The following FKBP8 variants were observed in gnomAD, a reference collection of about 807,000 sequenced individuals.
FKBP8 encodes the protein peptidyl-prolyl cis-trans isomerase FKBP8.
A neutral mutation model predicts 41.7 loss-of-function variants in FKBP8; 5 were observed. The observed-to-expected ratio is 0.12, with a 90% CI of 0.06 to 0.25. The LOEUF is 0.25. Among genes scored for constraint, FKBP8 ranks in the 10% least tolerant of loss-of-function variants. The probability of loss-of-function intolerance (pLI) is 1.00; values close to 1 mark genes in which losing one functional copy is unlikely to be tolerated. For synonymous variants in FKBP8, 279 were observed against 254.5 expected (o/e 1.10, Z -0.92); for missense variants, 397 against 563.0 (o/e 0.71, Z 2.98).
Position 18,541,976 on chromosome 19 carries a change from TG to T in FKBP8, c.-7del, listed in dbSNP as rs1195725159. 22 of 1,611,368 alleles carry T rather than the reference TG, an allele frequency of 1.4e-5. No homozygotes were observed. The highest frequency in any genetic ancestry group is 4.0e-5 in the African/African-American group (3 of 74,886). ...GGTTCAGCACACGATGCCATGCTGC[TG>T]GGGGGACAGGAATTGGCCCTGGAAG... On this transcript the variant is annotated 5_prime_UTR_variant, in exon 2 of 9. Coordinates refer to ENST00000608443, the MANE Select transcript of FKBP8 (RefSeq NM_012181.5).
chr19:18,542,038 C>T (rs1011017418), intron 1 of FKBP8, 43 bp from the exon 2 acceptor site: 2 of 1,562,858 alleles, frequency 1.3e-6, no homozygotes, highest in Middle Eastern at 1.7e-4. Context: ...TCCTACACAG[C>T]CCCTCAAAGT....
chr19:18,533,271 T>C lies in FKBP8; in HGVS notation c.1022A>G (p.Lys341Arg). 1 of 1,593,976 alleles carries C rather than the reference T, an allele frequency of 6.3e-7. No individual in the cohort carries two copies. Among genetic ancestry groups the C allele is most frequent in the Non-Finnish European group, 8.5e-7 (1 of 1,169,788 alleles). The change falls in exon 7 of 9, where the codon AAG becomes AGG. Residue 341 changes from lysine to arginine, a missense_variant and splice_region_variant. This residue lies in a region of FKBP8 where 225 missense variants were observed against 366.8 expected (regional missense o/e 0.61). Transcript: ENST00000608443. ...CCAGGGCACCCCTGTCCTGCTCACCTTGTTGGAAGGTTCCAGCTTCAGGGC... is the reference window on the plus strand; with the variant it reads ...CCAGGGCACCCCTGTCCTGCTCACCCTGTTGGAAGGTTCCAGCTTCAGGGC... ...RAALKLEPSN[K>R]TIHAELSKLV...
Position 18,538,368 on chromosome 19 carries a change from C to A in FKBP8, c.620G>T (p.Gly207Val). Residue 207 changes from glycine (G) to valine (V), a missense_variant, in exon 5 of 9, where the codon GGG (glycine) becomes GTG (valine). By Grantham distance (109) the Gly-to-Val change is moderately radical. Coordinates refer to ENST00000608443, the MANE Select transcript of FKBP8 (RefSeq NM_012181.5). This position sits in a 1 kb window ranked among gnomAD's most constrained non-coding sequence, Gnocchi z 4.0. ...CCCCGTGAGCATCTCCAGGTCAGGC[C>A]CGTCCACAGCCGTCTTCAGGGTCAC... ...LEVTLKTAVD[G>V]PDLEMLTGQE... 6.2e-7 allele frequency: 1 copy of A among 1,613,602 alleles called. No individual in the cohort carries two copies. The highest frequency in any genetic ancestry group is 8.5e-7 in the Non-Finnish European group (1 of 1,179,970).
rs1165932658 is a variant in FKBP8 at position 18,538,808 on chromosome 19, C to CTTTTTTTTTTT, written c.552-383_552-373dup. On this transcript the variant is annotated intron_variant, in intron 4 of 8. Transcript: ENST00000608443. The surrounding 1 kb of genome is among the most constrained non-coding windows in gnomAD (Gnocchi z 4.0). ...GACTACAGGTGTGCACCACACCCAG[C>CTTTTTTTTTTT]TTTTTTTTTTTTTTTTTTTTTTTTT... Among the ~76,000 whole-genome samples the CTTTTTTTTTTT allele has an allele frequency of 9.8e-6, 1 of 102,206 alleles. No individual in the cohort carries two copies. Among genetic ancestry groups the CTTTTTTTTTTT allele is most frequent in the African/African-American group, 6.1e-5 (1 of 16,314 alleles). The allele number at this position is 102,206 out of a possible 152,430, so 67.1% of individuals were successfully genotyped here. A position where few individuals can be genotyped will look rare whatever the true frequency, so the allele number is the denominator to read the frequency against.
rs1044867778 is a variant in FKBP8, at chr19:18,538,920, T to C, written c.551+451A>G. Among the ~76,000 whole-genome samples, 21 of 149,358 alleles carry C rather than the reference T, an allele frequency of 1.4e-4. No individual in the cohort carries two copies. In the Admixed American group the frequency reaches 1.4e-3, roughly 10 times the overall value. On this transcript the variant is annotated intron_variant, in intron 4 of 8. Transcript: ENST00000608443. This position sits in a 1 kb window ranked among gnomAD's most constrained non-coding sequence, Gnocchi z 4.0. Reference sequence around the variant, plus strand: ...AGCTCCGCCTCCCGGGTTCACGCCATTTTCCTGCCTCAACCTCCAGAGTAG... The same window carrying C: ...AGCTCCGCCTCCCGGGTTCACGCCACTTTCCTGCCTCAACCTCCAGAGTAG...
At chr19:18,542,152 G>C in intron 1 of FKBP8, 157 bp from the exon 2 acceptor site, 2 of 1,118,734 alleles carry the variant, frequency 1.8e-6, no homozygotes, top group Non-Finnish European at 2.4e-6. Context: ...AACAACCCCA[G>C]CTTGTTGGGA....
intron 2 of FKBP8, 28 bp downstream of exon 2, chr19:18,541,651 G>A: frequency 1.9e-6 from 3 of 1,575,050 alleles, no homozygotes; most frequent in Non-Finnish European, 1.7e-6. Context: ...CAGGGCCAAG[G>A]GCACCCTGAT....
At chr19:18,541,460 T>A (rs1976697174) in intron 2 of FKBP8, among the ~76,000 whole-genome samples, 1 of 152,216 alleles carries the variant, frequency 6.6e-6, no homozygotes. Flanking sequence ...TCTGAGCCAC[T>A]GTTAGCAGAT....
Position 18,537,851 on chromosome 19 carries a change from T to C in FKBP8, c.773-78A>G, listed in dbSNP as rs891959720. On this transcript the variant is annotated intron_variant, in intron 5 of 8. Transcript: ENST00000608443. This position sits in a 1 kb window ranked among gnomAD's most constrained non-coding sequence, Gnocchi z 4.4. ...CCGGCACCCACCCCTCTGCGGAGGC[T>C]GCCTCTCTGGCCTCAGTTTCCCCAA... 11 of 1,462,296 alleles carry C rather than the reference T, an allele frequency of 7.5e-6. No homozygotes were observed. The East Asian group carries it at 1.6e-4, about 22-fold the overall frequency. 90.6% of individuals were successfully genotyped at this position (1,462,296 alleles called of 1,614,324 possible). A position where few individuals can be genotyped will look rare whatever the true frequency, so the allele number is the denominator to read the frequency against.
intron 1 of FKBP8, chr19:18,543,081 C>T (rs1976746250): frequency 3.4e-6 from 1 of 297,036 alleles, no homozygotes; most frequent in Non-Finnish European, 6.5e-6. Context: ...CCAGACGCCC[C>T]CCCCTTTCCG....
intron 7 of FKBP8, 81 bp downstream of exon 7, chr19:18,533,189 C>A: frequency 7.5e-7 from 1 of 1,329,698 alleles, no homozygotes. Context: ...CAACAGAGAG[C>A]CACAGCAAGA....
chr19:18,535,509 C>G (rs984746918), intron 6 of FKBP8, among the ~76,000 whole-genome samples: 7 of 151,938 alleles, frequency 4.6e-5, no homozygotes, highest in African/African-American at 1.7e-4. Context: ...AAGTGGCTCA[C>G]GCCTATAATC....
chr19:18,532,246 A>G lies in FKBP8; in HGVS notation c.1165T>C (p.Trp389Arg). 6.2e-7 allele frequency: 1 copy of G among 1,607,414 alleles called. No homozygotes were observed. The highest frequency in any genetic ancestry group is 2.2e-5 in the East Asian group (1 of 44,720). The part of the protein sequence containing the change: ...CPGKGAWSIP[W>R]KWLFGATAVA... Reference sequence around the variant, plus strand: ...GCAGTCGCCCCAAACAGCCACTTCCATGGGATGGACTGTGGATAAAAAGGA... The same window carrying G: ...GCAGTCGCCCCAAACAGCCACTTCCGTGGGATGGACTGTGGATAAAAAGGA... The change falls in exon 9 of 9, where the codon TGG (tryptophan) becomes CGG (arginine). Residue 389 changes from tryptophan (W) to arginine (R), a missense_variant. Trp to Arg is a moderately radical substitution (Grantham distance 101, BLOSUM62 -3). Coordinates refer to ENST00000608443, the MANE Select transcript of FKBP8 (RefSeq NM_012181.5).
At position 18,532,519 on chromosome 19, in the gene FKBP8, T is replaced by C. The variant is rs989724226; in HGVS notation, c.1155+145A>G. 4.7e-6 allele frequency: 6 copies of C among 1,285,920 alleles called. No individual in the cohort carries two copies. In the African/African-American group the frequency reaches 7.5e-5, roughly 16 times the overall value. The allele number at this position is 1,285,920 out of a possible 1,614,324, so 79.7% of individuals were successfully genotyped here. On this transcript the variant is annotated intron_variant, in intron 8 of 8. Transcript: ENST00000608443. ...TGAGTTCCACCTTCGACTCCACTCATGATCACACAGGGCTGGGCTCTCTCC... is the reference window on the plus strand; with the variant it reads ...TGAGTTCCACCTTCGACTCCACTCACGATCACACAGGGCTGGGCTCTCTCC...
At chr19:18,539,930 T>A (rs1013714183) in intron 2 of FKBP8, among the ~76,000 whole-genome samples, 3 of 152,046 alleles carry the variant, frequency 2.0e-5, no homozygotes, top group Non-Finnish European at 4.4e-5. Context: ...TGGGACAGAC[T>A]TCAGGGTGAC....
intron 1 of FKBP8, 174 bp downstream of exon 1, chr19:18,543,312 G>T: frequency 7.7e-5 from 1 of 13,010 alleles, no homozygotes; most frequent in South Asian, 2.2e-3. Context: ...GGCCACCCCC[G>T]CCCGGCCGCG....
chr19:18,532,586 A>G (rs1976473697), intron 8 of FKBP8, 78 bp downstream of exon 8: 1 of 1,565,562 alleles, frequency 6.4e-7, no homozygotes, highest in Non-Finnish European at 8.7e-7. Context: ...CTCCGAGGAC[A>G]TCCATGTATG....
rs900472328 is a variant in FKBP8, at chr19:18,538,199, C to G, written c.772+17G>C. 1.3e-6 allele frequency: 2 copies of G among 1,590,280 alleles called. No individual in the cohort carries two copies. The highest frequency in any genetic ancestry group is 2.7e-5 in the African/African-American group (2 of 74,722). ...CCTTTGCAGGGGAGATGGTGGAGATCTGACCCAGGCGGTCACCTTTGGCGC... is the reference window on the plus strand; with the variant it reads ...CCTTTGCAGGGGAGATGGTGGAGATGTGACCCAGGCGGTCACCTTTGGCGC... On this transcript the variant is annotated intron_variant, in intron 5 of 8. Coordinates refer to ENST00000608443, the MANE Select transcript of FKBP8 (RefSeq NM_012181.5). This position sits in a 1 kb window ranked among gnomAD's most constrained non-coding sequence, Gnocchi z 4.0.
rs921661216 is a variant in FKBP8, at chr19:18,537,661, G to A, written c.885C>T (p.Ser295=). Residue 295 remains serine, a synonymous_variant, in exon 6 of 9, where the codon TCC becomes TCT. Coordinates refer to ENST00000608443, the MANE Select transcript of FKBP8 (RefSeq NM_012181.5). The surrounding 1 kb of genome is among the most constrained non-coding windows in gnomAD (Gnocchi z 4.4). ...GCTGGTGCTCCAGCACAAGGCTGCA[G>A]GAGCGCAGGGCTGCGCGGTAGTGGT... ...KLDHYRAALR[S]CSLVLEHQPD... 2.5e-6 allele frequency: 4 copies of A among 1,613,176 alleles called. No individual in the cohort carries two copies. Among genetic ancestry groups the A allele is most frequent in the Non-Finnish European group, 2.5e-6 (3 of 1,179,550 alleles).
Sources: gnomAD v4.1 joint callset for allele counts (sites outside exome capture counted in the v4.1 genomes callset) on GRCh38, gnomAD v4.1.1 for gene constraint, gnomAD v4.1.1 regional missense constraint, Gnocchi (gnomAD v3.1) non-coding constraint, MANE v1.5 for transcripts, NCBI Gene and HGNC (gene_info 2026-07-23, HGNC 2026-07-21) for gene names.